EFCAB8: variants seen among roughly 807,000 people sequenced by gnomAD.
The protein encoded by EFCAB8 is EF-hand calcium binding domain 8, also known as EF-hand calcium-binding domain-containing protein 8.
EFCAB8 carries 100 observed loss-of-function variants against 116.3 expected under a neutral mutation model. The observed-to-expected ratio is 0.86, with a 90% CI of 0.73 to 1.02. The LOEUF (loss-of-function observed/expected upper bound fraction) is 1.02. Ranked by LOEUF, EFCAB8 falls within the 50% of genes least tolerant of loss-of-function variation. EFCAB8 has a pLI of 0.00. For missense variants in EFCAB8, 1,320 were observed against 1,416.9 expected, an observed-to-expected ratio of 0.93 and a Z score of 1.10; for synonymous variants, 558 against 567.9, an observed-to-expected ratio of 0.98 and a Z score of 0.25.
intron 1 of EFCAB8, among the ~76,000 whole-genome samples, chr20:32,863,401 A>T (rs771208220): frequency 7.9e-5 from 12 of 152,026 alleles, no homozygotes; most frequent in African/African-American, 2.9e-4. Context: ...TCATTTTTCT[A>T]ATCTGTTTAT....
chr20:32,893,409 C>G lies in EFCAB8; in HGVS notation c.883+111C>G, dbSNP rs757404664. The G allele has an allele frequency of 1.3e-4, 195 of 1,451,622 alleles. No homozygotes were observed. In the African/African-American group the frequency reaches 1.6e-3, roughly 12 times the overall value. The allele number at this position is 1,451,622 out of a possible 1,614,324, so 89.9% of individuals were successfully genotyped here. On this transcript the variant is annotated intron_variant, in intron 9 of 26. Transcript: ENST00000400522. ...ACTCCCTGCCTCTGCTCTGGAGTCT[C>G]TGGGAAGGCGTCTGCTTCCAAGCGC...
intron 3 of EFCAB8, among the ~76,000 whole-genome samples, chr20:32,868,424 C>T (rs1007988056): frequency 2.6e-5 from 4 of 152,154 alleles, no homozygotes; most frequent in African/African-American, 4.8e-5. Context: ...GTAGGTATTG[C>T]AAGCATATTG....
intron 9 of EFCAB8, among the ~76,000 whole-genome samples, chr20:32,895,007 A>G (rs936417408): frequency 1.3e-5 from 2 of 152,198 alleles, no homozygotes; most frequent in African/African-American, 2.4e-5. Flanking sequence ...CAGCAGTACA[A>G]TGTTTGGCAT....
intron 24 of EFCAB8, among the ~76,000 whole-genome samples, chr20:32,959,414 C>T (rs1989071077): frequency 6.6e-6 from 1 of 152,210 alleles, no homozygotes; most frequent in South Asian, 2.1e-4. Context: ...AGGCATACAT[C>T]TTGACAGTAC....
chr20:32,950,891 G>A (rs1416227135), intron 23 of EFCAB8, among the ~76,000 whole-genome samples: 1 of 152,168 alleles, frequency 6.6e-6, no homozygotes, highest in Non-Finnish European at 1.5e-5. Context: ...CATGAGGCTA[G>A]AAAGGGAGCT....
chr20:32,931,776 G>A (rs1987920695), intron 22 of EFCAB8, among the ~76,000 whole-genome samples: 1 of 150,414 alleles, frequency 6.6e-6, no homozygotes, highest in South Asian at 2.1e-4. Flanking sequence ...AAAAGAGTTA[G>A]TATTCGTAAT....
At chr20:32,929,024 T>C (rs1375796203) in intron 20 of EFCAB8, among the ~76,000 whole-genome samples, 1 of 152,124 alleles carries the variant, frequency 6.6e-6, no homozygotes, top group African/African-American at 2.4e-5. Context: ...ATTCCAGGAA[T>C]AAAAGTCACT....
chr20:32,895,068 G>A (rs527309205), intron 9 of EFCAB8, among the ~76,000 whole-genome samples: 93 of 152,200 alleles, frequency 6.1e-4, no homozygotes, highest in Admixed American at 7.9e-4. Flanking sequence ...TCCCTGGGAG[G>A]GAACCTGAGC....
intron 10 of EFCAB8, 69 bp downstream of exon 10, chr20:32,896,596 T>C: frequency 1.4e-6 from 1 of 702,054 alleles, no homozygotes; most frequent in Non-Finnish European, 2.6e-6. Flanking sequence ...TCAAAATAAA[T>C]GCAAAAAGTG....
intron 22 of EFCAB8, among the ~76,000 whole-genome samples, chr20:32,942,630 G>C (rs115226398): frequency 2.1e-3 from 317 of 152,010 alleles, no homozygotes; most frequent in African/African-American, 7.6e-3. Context: ...TATTTATGAT[G>C]ACTTAAAAAT....
At chr20:32,881,926 G>A (rs1312707552) in intron 5 of EFCAB8, among the ~76,000 whole-genome samples, 1 of 152,178 alleles carries the variant, frequency 6.6e-6, no homozygotes, top group African/African-American at 2.4e-5. Flanking sequence ...AATTATCCCT[G>A]CCCAGGCATG....
intron 23 of EFCAB8, among the ~76,000 whole-genome samples, chr20:32,950,775 C>T (rs1187450486): frequency 6.6e-6 from 1 of 152,140 alleles, no homozygotes; most frequent in Non-Finnish European, 1.5e-5. Context: ...TTAGCAGTTA[C>T]CCAAGAGACC....
chr20:32,870,128 A>G (rs1984616016), intron 3 of EFCAB8, among the ~76,000 whole-genome samples: 1 of 152,192 alleles, frequency 6.6e-6, no homozygotes, highest in Admixed American at 6.5e-5. Flanking sequence ...GTGGGCAGGA[A>G]AGGATAAGAA....
chr20:32,954,025 C>T (rs574611178), intron 23 of EFCAB8, among the ~76,000 whole-genome samples: 1 of 152,148 alleles, frequency 6.6e-6, no homozygotes, highest in South Asian at 2.1e-4. Context: ...AGGCTGGTCT[C>T]GAACTGCAGG....
Position 32,908,424 on chromosome 20 carries a change from C to G in EFCAB8, c.1446+12C>G, listed in dbSNP as rs1986777549. 1.6e-6 allele frequency: 2 copies of G among 1,249,978 alleles called. No homozygotes were observed. Among genetic ancestry groups the G allele is most frequent in the East Asian group, 6.3e-5 (2 of 31,714 alleles). 77.4% of individuals were successfully genotyped at this position (1,249,978 alleles called of 1,614,324 possible). A position where few individuals can be genotyped will look rare whatever the true frequency, so the allele number is the denominator to read the frequency against. ...GCAGCACCTACTCAGTGAGTGCTGT[C>G]CCAGGAGGGAGTGGGGTCAAGGCCG... is the stretch of plus-strand genomic sequence containing the variant. On this transcript the variant is annotated intron_variant, in intron 14 of 26. Coordinates refer to ENST00000400522, the MANE Select transcript of EFCAB8 (RefSeq NM_001143967.2).
chr20:32,929,959 G>A (rs1987830381), intron 20 of EFCAB8, among the ~76,000 whole-genome samples: 2 of 152,284 alleles, frequency 1.3e-5, no homozygotes, highest in Middle Eastern at 3.4e-3. Context: ...TGTTTAAAAT[G>A]CTTTCTTGAT....
chr20:32,908,635 C>T (rs1986787422), intron 14 of EFCAB8, among the ~76,000 whole-genome samples: 1 of 152,234 alleles, frequency 6.6e-6, no homozygotes, highest in African/African-American at 2.4e-5. Flanking sequence ...CTGCTGCTGT[C>T]TGCACTGTCC....
At chr20:32,878,386 G>A (rs1985101716) in intron 4 of EFCAB8, among the ~76,000 whole-genome samples, 1 of 152,020 alleles carries the variant, frequency 6.6e-6, no homozygotes, top group Non-Finnish European at 1.5e-5. Context: ...AACAGAGAAA[G>A]AGCAGGTCTG....
intron 11 of EFCAB8, among the ~76,000 whole-genome samples, chr20:32,899,229 CAATAAT>C (rs34439877): frequency 6.5e-4 from 95 of 146,462 alleles, no homozygotes; most frequent in Admixed American, 1.5e-3. Flanking sequence ...ACTAAAAATA[CAATAAT>C]AATAATAATA....
Sources: gnomAD v4.1 joint callset for allele counts (sites outside exome capture counted in the v4.1 genomes callset) on GRCh38, gnomAD v4.1.1 for gene constraint, MANE v1.5 for transcripts, NCBI Gene and HGNC (gene_info 2026-07-23, HGNC 2026-07-21) for gene names.